The following C6 variants were observed in gnomAD, a reference collection of about 807,000 sequenced individuals.
The protein encoded by C6 is complement C6, also known as complement component C6.
A neutral mutation model predicts 112.9 loss-of-function variants in C6; 101 were observed. The observed-to-expected ratio is 0.89, with a 90% CI of 0.76 to 1.06. The LOEUF (loss-of-function observed/expected upper bound fraction) is 1.06. C6 is among the 50% of genes least tolerant of loss of function. C6 has a pLI of 0.00. For missense variants in C6, 1,202 were observed against 1,104.6 expected (o/e 1.09, Z -1.25); for synonymous variants, 431 against 384.1 (o/e 1.12, Z -1.43).
intron 1 of C6, chr5:41,212,888 G>A (rs1661118402): frequency 6.6e-6 from 1 of 152,154 alleles, no homozygotes. Flanking sequence ...CCATTTGTCT[G>A]CAAGGCAGTT....
At chr5:41,207,015 A>G (rs1042298138) in intron 1 of C6, among the ~76,000 whole-genome samples, 6 of 152,248 alleles carry the variant, frequency 3.9e-5, no homozygotes, top group Non-Finnish European at 7.3e-5. Flanking sequence ...CCATCAGACT[A>G]AAAGCAGTTC....
chr5:41,218,252 A>G (rs748961697), upstream of C6, among the ~76,000 whole-genome samples: 2 of 152,154 alleles, frequency 1.3e-5, no homozygotes, highest in African/African-American at 4.8e-5. Flanking sequence ...TCCCTTGTTT[A>G]TGCAGTCACG....
chr5:41,244,603 GC>G (rs1200475974), intron 1 of C6, among the ~76,000 whole-genome samples: 1 of 152,134 alleles, frequency 6.6e-6, no homozygotes, highest in Non-Finnish European at 1.5e-5. Flanking sequence ...TCTAATCTAT[GC>G]CTTGTGTCTA....
intron 11 of C6, 58 bp downstream of exon 11, chr5:41,160,082 CTT>C: frequency 2.2e-6 from 3 of 1,368,896 alleles, no homozygotes; most frequent in Non-Finnish European, 3.1e-6. Context: ...AATTGACCAA[CTT>C]AGAATACTCT....
intron 1 of C6, among the ~76,000 whole-genome samples, chr5:41,208,449 A>T (rs189954285): frequency 1.3e-5 from 2 of 152,186 alleles, no homozygotes; most frequent in East Asian, 3.9e-4. Flanking sequence ...TTTTGAAAAG[A>T]TTGACAAAAC....
chr5:41,158,855 A>T lies in C6; in HGVS notation c.1857-70T>A, dbSNP rs1747186939. Reference sequence around the variant, plus strand: ...CACATTTACATGTGTGTATATGCTTATGTGTATACATGTGTACACATTGCA... The same window carrying T: ...CACATTTACATGTGTGTATATGCTTTTGTGTATACATGTGTACACATTGCA... On this transcript the variant is annotated intron_variant, in intron 12 of 17. Coordinates refer to ENST00000337836, the MANE Select transcript of C6 (RefSeq NM_000065.5). The T allele has an allele frequency of 6.3e-5, 62 of 988,438 alleles. No individual in the cohort carries two copies. The South Asian group carries it at 6.9e-4, about 11-fold the overall frequency. The allele number at this position is 988,438 out of a possible 1,614,324, so 61.2% of individuals were successfully genotyped here. A position where few individuals can be genotyped will look rare whatever the true frequency, so the allele number is the denominator to read the frequency against.
rs763604736 is a variant in C6 at position 41,160,198 on chromosome 5, C to T, written c.1628G>A (p.Cys543Tyr). 2.5e-5 allele frequency: 41 copies of T among 1,612,250 alleles called. No homozygotes were observed. The South Asian group carries it at 4.3e-4, about 17-fold the overall frequency. The change falls in exon 11 of 18, where the codon TGT (cysteine) becomes TAT (tyrosine). Residue 543 changes from cysteine to tyrosine, a missense_variant. Cys to Tyr is a radical substitution (Grantham distance 194). Transcript: ENST00000337836. Reference sequence around the variant, plus strand: ...GTTCTCACCATAGGTGCCACTCTGACACACACACAGACATTCAGTCCCTGA... The same window carrying T: ...GTTCTCACCATAGGTGCCACTCTGATACACACACAGACATTCAGTCCCTGA... ...TLSGTECLCVCQSGTYGENCE... is the reference protein window; with the variant it reads ...TLSGTECLCVYQSGTYGENCE...
intron 1 of C6, among the ~76,000 whole-genome samples, chr5:41,253,452 A>C (rs1264143215): frequency 2.6e-5 from 4 of 152,102 alleles, no homozygotes; most frequent in Non-Finnish European, 4.4e-5. Flanking sequence ...GTACATCCTT[A>C]CAGTCCCAAG....
At chr5:41,177,064 T>A (rs1412629677) in intron 7 of C6, among the ~76,000 whole-genome samples, 1 of 152,218 alleles carries the variant, frequency 6.6e-6, no homozygotes, top group African/African-American at 2.4e-5. Context: ...TATTTGCTAA[T>A]GTGAATAATT....
intron 1 of C6, among the ~76,000 whole-genome samples, chr5:41,220,754 C>T (rs1281399488): frequency 1.3e-5 from 2 of 151,902 alleles, no homozygotes; most frequent in Non-Finnish European, 2.9e-5. Flanking sequence ...AGGAGGTACA[C>T]ATGTATATTG....
chr5:41,172,122 T>G, intron 9 of C6, 103 bp downstream of exon 9: 1 of 1,208,160 alleles, frequency 8.3e-7, no homozygotes, highest in Non-Finnish European at 1.2e-6. Context: ...AGAAATGAAA[T>G]AAATGAAAAG....
chr5:41,163,390 G>T (rs543153383), intron 9 of C6, among the ~76,000 whole-genome samples: 1 of 148,356 alleles, frequency 6.7e-6, no homozygotes, highest in Non-Finnish European at 1.5e-5. Context: ...TTAGCTCACT[G>T]CAGCCTCTGC....
chr5:41,172,681 C>A (rs1198907980), intron 8 of C6: 11 of 413,132 alleles, frequency 2.7e-5, no homozygotes, highest in Non-Finnish European at 4.6e-5. Flanking sequence ...CCACTTAACA[C>A]AATGGAGCTT....
rs117141031 is a variant in C6, at chr5:41,245,383, G to A, written c.-21+15811C>T. The stretch of plus-strand genomic sequence containing the variant: ...CATCTCTATGAAAAATTAGCTGGGC[G>A]TGGTGGCAGACACCTGTAATCCCAG... On this transcript the variant is annotated intron_variant, in intron 1 of 17. Transcript: ENST00000263413. 1.7e-3 allele frequency among the ~76,000 whole-genome samples: 253 copies of A among 152,244 alleles called. 12 individuals are homozygous for A. In the East Asian group the frequency reaches 0.045, roughly 27 times the overall value.
chr5:41,242,618 G>A (rs1335996699), intron 1 of C6, among the ~76,000 whole-genome samples: 2 of 152,052 alleles, frequency 1.3e-5, no homozygotes, highest in Non-Finnish European at 2.9e-5. Context: ...TTAAGAAATT[G>A]TTTTCAAACA....
chr5:41,224,745 A>T (rs1739384271), intron 1 of C6, among the ~76,000 whole-genome samples: 1 of 152,142 alleles, frequency 6.6e-6, no homozygotes, highest in Admixed American at 6.6e-5. Flanking sequence ...ATATGTTTTC[A>T]ATTCTACTGA....
intron 1 of C6, among the ~76,000 whole-genome samples, chr5:41,204,624 G>C (rs1751281928): frequency 2.0e-5 from 3 of 149,572 alleles, no homozygotes; most frequent in Admixed American, 1.3e-4. Flanking sequence ...AGTATGTTCA[G>C]AAACTAGGGT....
At chr5:41,224,589 T>G (rs1739373645) in intron 1 of C6, among the ~76,000 whole-genome samples, 1 of 152,196 alleles carries the variant, frequency 6.6e-6, no homozygotes. Context: ...TTCCTTTTTT[T>G]TTTATTGCTG....
chr5:41,196,039 A>C, intron 4 of C6, 106 bp from the exon 5 acceptor site: 1 of 1,295,526 alleles, frequency 7.7e-7, no homozygotes, highest in Middle Eastern at 2.1e-4. Flanking sequence ...AGTTGAAGGC[A>C]AGTCTTCACT....
Sources: gnomAD v4.1 joint callset for allele counts (sites outside exome capture counted in the v4.1 genomes callset) on GRCh38, gnomAD v4.1.1 for gene constraint, MANE v1.5 for transcripts, NCBI Gene and HGNC (gene_info 2026-07-23, HGNC 2026-07-21) for gene names.